The following PCP4L1 variants were observed in gnomAD, a reference collection of about 807,000 sequenced individuals.
PCP4L1 encodes Purkinje cell protein 4 like 1.
Under a neutral mutation model 9.6 loss-of-function variants are expected in PCP4L1, and 9 were observed. The ratio of observed to expected loss-of-function variants is 0.94; its 90% CI spans 0.57 to 1.64. PCP4L1 has a LOEUF of 1.64. PCP4L1 is among the 40% of genes most tolerant of loss of function. The pLI is 0.00. For synonymous variants in PCP4L1, 31 were observed against 28.2 expected (o/e 1.10, Z -0.31); for missense variants, 81 against 80.8 (o/e 1.00, Z -0.01).
At chr1:161,278,884 G>A (rs564514910) in intron 1 of PCP4L1, among the ~76,000 whole-genome samples, 1 of 152,324 alleles carries the variant, frequency 6.6e-6, no homozygotes, top group South Asian at 2.1e-4. Flanking sequence ...CCAGGCTCAA[G>A]TGATCCTCCC....
intron 1 of PCP4L1, among the ~76,000 whole-genome samples, chr1:161,276,375 C>T (rs1352477063): frequency 6.6e-6 from 1 of 151,990 alleles, no homozygotes. Flanking sequence ...TATGTTCTTC[C>T]AGATTTTAAA....
chr1:161,282,258 G>A (rs984004306), intron 1 of PCP4L1, among the ~76,000 whole-genome samples: 4 of 152,068 alleles, frequency 2.6e-5, no homozygotes, highest in African/African-American at 9.7e-5. Context: ...GTGGCGGCGC[G>A]CGCCTGCAAT....
chr1:161,276,785 A>T (rs1464684325), intron 1 of PCP4L1, among the ~76,000 whole-genome samples: 11 of 151,420 alleles, frequency 7.3e-5, no homozygotes, highest in Non-Finnish European at 1.6e-4. Flanking sequence ...TATACATATA[A>T]ATATAAACAC....
intron 1 of PCP4L1, among the ~76,000 whole-genome samples, chr1:161,279,437 G>A (rs1669757219): frequency 6.6e-6 from 1 of 152,204 alleles, no homozygotes; most frequent in Admixed American, 6.5e-5. Context: ...CCTCTTGAGT[G>A]TATAGAACAG....
At chr1:161,262,611 C>G (rs1343570464) in intron 1 of PCP4L1, among the ~76,000 whole-genome samples, 2 of 152,086 alleles carry the variant, frequency 1.3e-5, no homozygotes, top group Non-Finnish European at 2.9e-5. Flanking sequence ...ATCCTGTGAC[C>G]TGGAAATATG....
chr1:161,284,657 T>C lies in PCP4L1; in HGVS notation c.*176T>C, dbSNP rs910367380. The C allele has an allele frequency of 1.2e-5, 10 of 810,474 alleles. No individual in the cohort carries two copies. Among genetic ancestry groups the C allele is most frequent in the African/African-American group, 1.0e-4 (6 of 57,338 alleles). 50.2% of individuals were successfully genotyped at this position (810,474 alleles called of 1,614,324 possible). A position where few individuals can be genotyped will look rare whatever the true frequency, so the allele number is the denominator to read the frequency against. On this transcript the variant is annotated 3_prime_UTR_variant, in exon 3 of 3. Coordinates refer to ENST00000504449, the MANE Select transcript of PCP4L1 (RefSeq NM_001102566.2). ...CACAGAAGTAGAGGCACAAGAGAGG[T>C]GGAGAAGATGAAGACTTCAATCAGC... is the stretch of plus-strand genomic sequence containing the variant.
Position 161,284,596 on chromosome 1 carries a change from C to A in PCP4L1, c.*115C>A. ...AGCCTTTCCTTGAGGCAAGTTCAACCTTTATATACTCTTGTATCTGGCCCC... is the reference window on the plus strand; with the variant it reads ...AGCCTTTCCTTGAGGCAAGTTCAACATTTATATACTCTTGTATCTGGCCCC... On this transcript the variant is annotated 3_prime_UTR_variant, in exon 3 of 3. Transcript: ENST00000504449. 3 of 1,368,404 alleles carry A rather than the reference C, an allele frequency of 2.2e-6. No individual in the cohort carries two copies. Among genetic ancestry groups the A allele is most frequent in the Non-Finnish European group, 2.0e-6 (2 of 1,008,474 alleles). The allele number at this position is 1,368,404 out of a possible 1,614,324, so 84.8% of individuals were successfully genotyped here.
chr1:161,277,517 T>C (rs556073276), intron 1 of PCP4L1, among the ~76,000 whole-genome samples: 1 of 152,238 alleles, frequency 6.6e-6, no homozygotes, highest in Non-Finnish European at 1.5e-5. Flanking sequence ...GGATAATGTT[T>C]GATATATAAT....
chr1:161,269,562 A>G (rs1669587949), intron 1 of PCP4L1, among the ~76,000 whole-genome samples: 1 of 152,222 alleles, frequency 6.6e-6, no homozygotes, highest in Non-Finnish European at 1.5e-5. Flanking sequence ...AAAAGGATCA[A>G]TAGGAATTAA....
At chr1:161,261,575 A>T (rs1669417524) in intron 1 of PCP4L1, among the ~76,000 whole-genome samples, 1 of 152,248 alleles carries the variant, frequency 6.6e-6, no homozygotes, top group East Asian at 1.9e-4. Context: ...AGATGTGTTC[A>T]GTCCCTGAGG....
At chr1:161,278,488 T>C (rs1293870469) in intron 1 of PCP4L1, among the ~76,000 whole-genome samples, 5 of 151,900 alleles carry the variant, frequency 3.3e-5, no homozygotes, top group East Asian at 1.9e-4. Context: ...GGGCTGGTCA[T>C]GAACTCCTGG....
intron 1 of PCP4L1, among the ~76,000 whole-genome samples, chr1:161,277,079 C>T (rs1030088629): frequency 1.3e-5 from 2 of 151,920 alleles, no homozygotes; most frequent in African/African-American, 4.8e-5. Flanking sequence ...ATAGTGAGAC[C>T]CCATCTCGAA....
chr1:161,281,504 C>T (rs61802084), intron 1 of PCP4L1, among the ~76,000 whole-genome samples: 60,881 of 140,468 alleles, frequency 0.43, 13,032 homozygotes, highest in East Asian at 0.63. Flanking sequence ...GGCGGCTGGC[C>T]GGGCGGGGGC....
chr1:161,276,755 G>A (rs1271805030), intron 1 of PCP4L1, among the ~76,000 whole-genome samples: 11 of 135,238 alleles, frequency 8.1e-5, no homozygotes, highest in Non-Finnish European at 1.7e-4. Context: ...GTGTATATAT[G>A]TATGTATATA....
At chr1:161,271,545 C>T (rs1669625991) in intron 1 of PCP4L1, among the ~76,000 whole-genome samples, 1 of 152,096 alleles carries the variant, frequency 6.6e-6, no homozygotes, top group Non-Finnish European at 1.5e-5. Context: ...GCTCTGTCGC[C>T]CAGGCTGGAG....
intron 1 of PCP4L1, among the ~76,000 whole-genome samples, chr1:161,265,396 G>T (rs1669513155): frequency 6.6e-6 from 1 of 152,122 alleles, no homozygotes; most frequent in Non-Finnish European, 1.5e-5. Flanking sequence ...CAGATATGGT[G>T]GTGTGCATCT....
intron 1 of PCP4L1, among the ~76,000 whole-genome samples, chr1:161,265,266 C>T (rs1012408234): frequency 6.6e-6 from 1 of 152,168 alleles, no homozygotes; most frequent in South Asian, 2.1e-4. Flanking sequence ...TGTGATGGCT[C>T]ATACCTATTA....
intron 1 of PCP4L1, among the ~76,000 whole-genome samples, chr1:161,263,150 C>T (rs1306238590): frequency 3.3e-5 from 5 of 152,186 alleles, no homozygotes; most frequent in Non-Finnish European, 7.3e-5. Flanking sequence ...GGGCACTGTA[C>T]TTCTGACTTC....
At chr1:161,281,035 T>C (rs1571802180) in intron 1 of PCP4L1, among the ~76,000 whole-genome samples, 1 of 152,058 alleles carries the variant, frequency 6.6e-6, no homozygotes, top group Non-Finnish European at 1.5e-5. Flanking sequence ...TAGGGAGTGG[T>C]GATGACTCTT....
Sources: gnomAD v4.1 joint callset for allele counts (sites outside exome capture counted in the v4.1 genomes callset) on GRCh38, gnomAD v4.1.1 for gene constraint, MANE v1.5 for transcripts, NCBI Gene and HGNC (gene_info 2026-07-23, HGNC 2026-07-21) for gene names.